Variants in PRKN observed in about 807,000 individuals in gnomAD.
PRKN encodes E3 ubiquitin-protein ligase parkin.
A neutral mutation model predicts 59.5 loss-of-function variants in PRKN; 56 were observed. The ratio of observed to expected loss-of-function variants is 0.94; its 90% CI spans 0.76 to 1.18. The LOEUF (loss-of-function observed/expected upper bound fraction) is 1.18, where lower values mean the gene tolerates loss of function less well. Ranked by LOEUF, PRKN falls within the 50% of genes most tolerant of loss-of-function variation. The pLI is 0.00. For synonymous variants in PRKN, 250 were observed against 222.1 expected, an observed-to-expected ratio of 1.13 and a Z score of -1.12; for missense variants, 657 against 596.4, an observed-to-expected ratio of 1.10 and a Z score of -1.06.
At chr6:162,269,725 T>C (rs1460664380) in intron 2 of PRKN, 1 of 152,220 alleles carries the variant, frequency 6.6e-6, no homozygotes. Flanking sequence ...TCATACAAAA[T>C]GCTTAAAATC....
intron 7 of PRKN, among the ~76,000 whole-genome samples, chr6:161,622,494 C>A (rs1782943443): frequency 1.3e-5 from 2 of 152,126 alleles, no homozygotes; most frequent in Admixed American, 6.5e-5. Flanking sequence ...ACTGCTGCAG[C>A]CCCCAGCAGG....
chr6:162,634,131 C>G (rs1239193245), intron 1 of PRKN, among the ~76,000 whole-genome samples: 2 of 152,116 alleles, frequency 1.3e-5, no homozygotes, highest in African/African-American at 2.4e-5. Flanking sequence ...GTGCATTCAC[C>G]TCTCCATACC....
chr6:162,299,185 C>T (rs1341740495), intron 2 of PRKN, among the ~76,000 whole-genome samples: 2 of 152,208 alleles, frequency 1.3e-5, no homozygotes, highest in Admixed American at 6.5e-5. Context: ...GGCATCTCAG[C>T]CCCTTCGGGC....
At chr6:162,192,471 T>TA (rs1784323672) in intron 4 of PRKN, among the ~76,000 whole-genome samples, 3 of 137,490 alleles carry the variant, frequency 2.2e-5, no homozygotes, top group East Asian at 2.5e-4. Flanking sequence ...TTTTTTTTTT[T>TA]AGATAAGGTC....
chr6:162,486,751 A>G (rs1792557143), intron 1 of PRKN, among the ~76,000 whole-genome samples: 1 of 152,160 alleles, frequency 6.6e-6, no homozygotes, highest in Non-Finnish European at 1.5e-5. Flanking sequence ...ATGTCACAAG[A>G]TAAACACATC....
At chr6:162,704,036 G>A (rs1383570996) in intron 1 of PRKN, among the ~76,000 whole-genome samples, 1 of 152,176 alleles carries the variant, frequency 6.6e-6, no homozygotes, top group Non-Finnish European at 1.5e-5. Context: ...AGACACAGGT[G>A]CAGGAGATGC....
At chr6:161,591,293 C>G (rs1409589099) in intron 7 of PRKN, among the ~76,000 whole-genome samples, 1 of 151,956 alleles carries the variant, frequency 6.6e-6, no homozygotes, top group African/African-American at 2.4e-5. Context: ...TTAGAAAGTT[C>G]AAAGAAAAAG....
At chr6:161,846,871 A>G (rs1793217986) in intron 6 of PRKN, among the ~76,000 whole-genome samples, 1 of 152,204 alleles carries the variant, frequency 6.6e-6, no homozygotes, top group African/African-American at 2.4e-5. Context: ...ACATACTTAG[A>G]ATAAGCAGGA....
intron 7 of PRKN, among the ~76,000 whole-genome samples, chr6:161,647,893 A>G (rs957565669): frequency 5.3e-5 from 8 of 152,370 alleles, no homozygotes; most frequent in Non-Finnish European, 2.9e-5. Context: ...TAAAGTGAGC[A>G]ATAAAGGCCT....
Position 161,925,904 on chromosome 6 carries a change from C to T in PRKN, c.734+47398G>A, listed in dbSNP as rs1778951948. Among the ~76,000 whole-genome samples, 2 of 152,156 alleles carry T rather than the reference C, an allele frequency of 1.3e-5. 1 individual carries two copies. The highest frequency in any genetic ancestry group is 4.1e-4 in the South Asian group (2 of 4,826). Reference sequence around the variant, plus strand: ...CACTTACCACATGCCAGACACTGTGCTGAACTCTTTATATGTCTCGTCTCC... The same window carrying T: ...CACTTACCACATGCCAGACACTGTGTTGAACTCTTTATATGTCTCGTCTCC... On this transcript the variant is annotated intron_variant, in intron 6 of 11. Coordinates refer to ENST00000366898, the MANE Select transcript of PRKN (RefSeq NM_004562.3).
At chr6:162,100,746 CTT>C (rs1161391447) in intron 4 of PRKN, among the ~76,000 whole-genome samples, 1 of 152,106 alleles carries the variant, frequency 6.6e-6, no homozygotes, top group Non-Finnish European at 1.5e-5. Context: ...CCGGCCATCT[CTT>C]GTCTTTTTGA....
chr6:161,748,243 T>C (rs3019443), intron 7 of PRKN, among the ~76,000 whole-genome samples: 23,804 of 152,138 alleles, frequency 0.16, 2,358 homozygotes, highest in Middle Eastern at 0.26. Flanking sequence ...ATGGGCACAA[T>C]GTACTTATTC....
At chr6:161,974,836 C>G (rs1780963055) in intron 5 of PRKN, among the ~76,000 whole-genome samples, 2 of 152,178 alleles carry the variant, frequency 1.3e-5, no homozygotes, top group Non-Finnish European at 2.9e-5. Context: ...AGATATTACG[C>G]ATTAAGTGCT....
At chr6:162,658,669 A>T (rs1200409755) in intron 1 of PRKN, among the ~76,000 whole-genome samples, 1 of 110,596 alleles carries the variant, frequency 9.0e-6, no homozygotes, top group Admixed American at 8.2e-5. Context: ...AAAAAAAAAA[A>T]AAAAGAAAAA....
chr6:162,368,655 T>C (rs1394041909), intron 2 of PRKN, among the ~76,000 whole-genome samples: 1 of 152,124 alleles, frequency 6.6e-6, no homozygotes, highest in Non-Finnish European at 1.5e-5. Flanking sequence ...TCTCACTGAA[T>C]GTATAGAACA....
chr6:161,758,905 G>A (rs544984225), intron 7 of PRKN, among the ~76,000 whole-genome samples: 46 of 152,130 alleles, frequency 3.0e-4, no homozygotes, highest in Non-Finnish European at 5.1e-4. Flanking sequence ...CAGGCCGGGC[G>A]CAGTGGCTCA....
chr6:162,397,088 G>A (rs958217921), intron 2 of PRKN, among the ~76,000 whole-genome samples: 1 of 152,124 alleles, frequency 6.6e-6, no homozygotes, highest in Admixed American at 6.6e-5. Flanking sequence ...TAAGAAAGAG[G>A]CCTTCTCTTC....
chr6:162,402,883 G>A (rs922512638), intron 2 of PRKN, among the ~76,000 whole-genome samples: 3 of 151,840 alleles, frequency 2.0e-5, no homozygotes, highest in African/African-American at 7.3e-5. Context: ...CACACTCCTA[G>A]GCTCAAGTCT....
intron 2 of PRKN, among the ~76,000 whole-genome samples, chr6:162,306,655 G>A (rs1407962036): frequency 1.3e-5 from 2 of 152,162 alleles, no homozygotes; most frequent in African/African-American, 2.4e-5. Context: ...AATTTACTGA[G>A]CAACTACTAT....
Sources: gnomAD v4.1 joint callset for allele counts (sites outside exome capture counted in the v4.1 genomes callset) on GRCh38, gnomAD v4.1.1 for gene constraint, MANE v1.5 for transcripts, NCBI Gene and HGNC (gene_info 2026-07-23, HGNC 2026-07-21) for gene names.